The following ABCB9 variants were observed in gnomAD, a reference collection of about 807,000 sequenced individuals.
ABCB9 encodes ATP binding cassette subfamily B member 9, also known as ABC-type oligopeptide transporter ABCB9.
A neutral mutation model predicts 62.0 loss-of-function variants in ABCB9; 36 were observed. The observed-to-expected ratio is 0.58, with a 90% confidence interval of 0.45 to 0.77. The LOEUF is 0.77. Among genes scored for constraint, ABCB9 ranks in the 30% least tolerant of loss-of-function variants. The pLI is 0.00. For synonymous variants in ABCB9, 435 were observed against 461.4 expected (o/e 0.94, Z 0.73); for missense variants, 943 against 1,054.7 (o/e 0.89, Z 1.47).
rs1333880614 is a variant in ABCB9, at chr12:122,948,779, C to A, written c.898G>T (p.Val300Phe). The change falls in exon 5 of 12, where the codon GTC becomes TTC. Residue 300 changes from valine to phenylalanine, a missense_variant. Coordinates refer to ENST00000280560, the MANE Select transcript of ABCB9 (RefSeq NM_019625.4). ...AGGAAGACATTGATGTTCTGGGAGA[C>A]CAGGTCGCTGACCATGGTGGTGTCC... ...TSDTTMVSDL[V>F]SQNINVFLRN... 2 of 1,607,294 alleles carry A rather than the reference C, an allele frequency of 1.2e-6. No individual in the cohort carries two copies. The highest frequency in any genetic ancestry group is 1.7e-5 in the Admixed American group (1 of 59,248).
At chr12:122,952,802 C>G (rs2036428231) in intron 2 of ABCB9, 1 of 152,280 alleles carries the variant, frequency 6.6e-6, no homozygotes, top group African/African-American at 2.4e-5. Context: ...ATACTCAGAC[C>G]ATTTCCAGAA....
Position 122,947,566 on chromosome 12 carries a change from C to T in ABCB9, c.1053+1058G>A. 4.7e-6 allele frequency: 2 copies of T among 425,494 alleles called. No homozygotes were observed. Among genetic ancestry groups the T allele is most frequent in the Non-Finnish European group, 9.6e-6 (2 of 209,034 alleles). The allele number at this position is 425,494 out of a possible 1,614,324, so 26.4% of individuals were successfully genotyped here. A position where few individuals can be genotyped will look rare whatever the true frequency, so the allele number is the denominator to read the frequency against. On this transcript the variant is annotated intron_variant, in intron 5 of 11. Transcript: ENST00000280560. The surrounding 1 kb of genome is among the most constrained non-coding windows in gnomAD (Gnocchi z 6.0). The stretch of plus-strand genomic sequence containing the variant: ...GGTGACTGTGAGGGGGTTGCCTGTA[C>T]CTGTCACAGGGTCACAGCCCTGCCT...
downstream of ABCB9, among the ~76,000 whole-genome samples, chr12:122,926,010 C>T (rs2034893816): frequency 6.6e-6 from 1 of 152,102 alleles, no homozygotes; most frequent in African/African-American, 2.4e-5. Flanking sequence ...TATAGGGTTC[C>T]ATGTACATGA....
intron 11 of ABCB9, among the ~76,000 whole-genome samples, chr12:122,923,318 C>G (rs1175248981): frequency 1.3e-5 from 2 of 152,260 alleles, no homozygotes; most frequent in Admixed American, 6.5e-5. Flanking sequence ...GACGGAGTCT[C>G]GCTCTGTCGC....
chr12:122,949,949 A>G lies in ABCB9; in HGVS notation c.717-31T>C, dbSNP rs781526032. On this transcript the variant is annotated intron_variant, in intron 3 of 11. Coordinates refer to ENST00000280560, the MANE Select transcript of ABCB9 (RefSeq NM_019625.4). ...TGCAGATAAGAGATATTATAGCACG[A>G]TGTCCTTCCAGACCAGTGACCACAC... 5 of 1,613,268 alleles carry G rather than the reference A, an allele frequency of 3.1e-6. No individual in the cohort carries two copies. In the Admixed American group the frequency reaches 8.3e-5, roughly 27 times the overall value.
chr12:122,921,412 C>G (rs1280503765), intron 11 of ABCB9, among the ~76,000 whole-genome samples: 2 of 152,036 alleles, frequency 1.3e-5, no homozygotes, highest in Non-Finnish European at 2.9e-5. Context: ...AAGACCCTGT[C>G]TCTAAAAAAT....
At chr12:122,928,928 G>C (rs1157575920), downstream of ABCB9, 3 of 871,982 alleles carry the variant, frequency 3.4e-6, no homozygotes, top group East Asian at 2.4e-4. Flanking sequence ...TGAGAGGAGA[G>C]CCGTGGTCTG....
intron 7 of ABCB9, among the ~76,000 whole-genome samples, chr12:122,943,964 A>T (rs2035900766): frequency 6.7e-6 from 1 of 148,574 alleles, no homozygotes; most frequent in Non-Finnish European, 1.5e-5. Flanking sequence ...ATCAAGACGG[A>T]GTCTCGCTCT....
intron 5 of ABCB9, chr12:122,948,360 G>A: frequency 2.8e-6 from 1 of 358,552 alleles, no homozygotes; most frequent in Non-Finnish European, 5.1e-6. Context: ...TATGCTGTTG[G>A]TACCTAGTAT....
At chr12:122,934,025 C>T (rs375673948) in intron 10 of ABCB9, among the ~76,000 whole-genome samples, 1 of 152,158 alleles carries the variant, frequency 6.6e-6, no homozygotes, top group East Asian at 1.9e-4. Context: ...AGGCAGATCA[C>T]CTGAGGTCAG....
Position 122,949,931 on chromosome 12 carries a change from A to G in ABCB9, c.717-13T>C. On this transcript the variant is annotated splice_polypyrimidine_tract_variant and intron_variant, in intron 3 of 11. Coordinates refer to ENST00000280560, the MANE Select transcript of ABCB9 (RefSeq NM_019625.4). ...TGCGGCAAATGAGCTAATTGCAGAT[A>G]AGAGATATTATAGCACGATGTCCTT... 6.2e-7 allele frequency: 1 copy of G among 1,613,858 alleles called. No homozygotes were observed. Among genetic ancestry groups the G allele is most frequent in the Non-Finnish European group, 8.5e-7 (1 of 1,179,788 alleles).
At chr12:122,935,486 TC>T in intron 9 of ABCB9, 55 bp from the exon 10 acceptor site, 5 of 1,565,974 alleles carry the variant, frequency 3.2e-6, no homozygotes, top group Non-Finnish European at 4.3e-6. Flanking sequence ...CATCCAGCTG[TC>T]CCCAGCAGCC....
At chr12:122,927,806 C>G (rs997052796), downstream of ABCB9, among the ~76,000 whole-genome samples, 7 of 152,282 alleles carry the variant, frequency 4.6e-5, no homozygotes, top group African/African-American at 1.4e-4. Context: ...TACACATGTG[C>G]TTGTTGGTCC....
rs771280278 is a variant in ABCB9 at position 122,929,916 on chromosome 12, C to G, written c.2296G>C (p.Ala766Pro). Residue 766 changes from alanine to proline, a missense_variant, in exon 12 of 12, where the codon GCC becomes CCC. Physicochemically the swap from Ala to Pro is conservative, Grantham distance 27. Transcript: ENST00000280560. This position sits in a 1 kb window ranked among gnomAD's most constrained non-coding sequence, Gnocchi z 6.0. Reference sequence around the variant, plus strand: ...GGAGAAGCAGGGGCCCCCCATCAGGCCTTGTGACTGCCGTTGGCTACAGGC... The same window carrying G: ...GGAGAAGCAGGGGCCCCCCATCAGGGCTTGTGACTGCCGTTGGCTACAGGC... Reference protein sequence around the residue: ...NEPVANGSHKA With the variant: ...NEPVANGSHKP 7.8e-6 allele frequency: 12 copies of G among 1,547,782 alleles called. No individual in the cohort carries two copies. Among genetic ancestry groups the G allele is most frequent in the Non-Finnish European group, 1.0e-5 (12 of 1,144,964 alleles).
In ABCB9 at chr12:122,948,738, C is replaced by T. The variant is rs2036188514; in HGVS notation, c.939G>A (p.Lys313=). The change falls in exon 5 of 12, where the codon AAG becomes AAA. Residue 313 remains lysine (K), a synonymous_variant. Transcript: ENST00000280560. Reference sequence around the variant, plus strand: ...ACATGAAGACCACCACGCCCGTGACCTTGACTGTGTTCCGCAGGAAGACAT... The same window carrying T: ...ACATGAAGACCACCACGCCCGTGACTTTGACTGTGTTCCGCAGGAAGACAT... ...NINVFLRNTV[K]VTGVVVFMFS... 1 of 1,613,784 alleles carries T rather than the reference C, an allele frequency of 6.2e-7. No homozygotes were observed. Among genetic ancestry groups the T allele is most frequent in the Middle Eastern group, 1.7e-4 (1 of 6,058 alleles).
rs2036090649 is a variant in ABCB9 at position 122,947,247 on chromosome 12, C to A, written c.1054-1025G>T. ...GCCGGAAGCAAGGGGTGGGGAGCAG[C>A]GTGCCAGAAATGGCTCAGACTCTAA... On this transcript the variant is annotated intron_variant, in intron 5 of 11. Coordinates refer to ENST00000280560, the MANE Select transcript of ABCB9 (RefSeq NM_019625.4). This position sits in a 1 kb window ranked among gnomAD's most constrained non-coding sequence, Gnocchi z 6.0. Among the ~76,000 whole-genome samples the A allele has an allele frequency of 6.6e-6, 1 of 152,160 alleles. No individual in the cohort carries two copies. The highest frequency in any genetic ancestry group is 1.5e-5 in the Non-Finnish European group (1 of 68,026).
At chr12:122,924,991 A>T (rs1593955485), downstream of ABCB9, among the ~76,000 whole-genome samples, 1 of 152,112 alleles carries the variant, frequency 6.6e-6, no homozygotes. Context: ...ATACCAGCTC[A>T]CCACAACCTC....
At chr12:122,919,347 AT>A (rs1054241153), downstream of ABCB9, among the ~76,000 whole-genome samples, 5 of 151,416 alleles carry the variant, frequency 3.3e-5, no homozygotes, top group Non-Finnish European at 5.9e-5. Flanking sequence ...TGATTTTTAA[AT>A]TTTTGTAGGG....
chr12:122,963,127 G>A (rs1226336390), intron 1 of ABCB9, among the ~76,000 whole-genome samples: 1 of 152,064 alleles, frequency 6.6e-6, no homozygotes, highest in African/African-American at 2.4e-5. Context: ...GCGAAATCCC[G>A]TCTCTACTAA....
Sources: allele counts gnomAD v4.1 joint callset (sites outside exome capture counted in the v4.1 genomes callset), GRCh38; gene constraint gnomAD v4.1.1; non-coding constraint Gnocchi (gnomAD v3.1); transcripts MANE v1.5; gene names NCBI Gene and HGNC (gene_info 2026-07-23, HGNC 2026-07-21).